The following RFX8 variants were observed in gnomAD, a reference collection of about 807,000 sequenced individuals.
RFX8 encodes regulatory factor X8, also known as DNA-binding protein RFX8.
In RFX8, 46 loss-of-function variants were observed where a neutral mutation model predicts 54.6. The observed-to-expected ratio is 0.84, with a 90% confidence interval of 0.67 to 1.08. RFX8 has a LOEUF of 1.08. Among genes scored for constraint, RFX8 ranks in the 50% least tolerant of loss-of-function variants. The pLI is 0.00. For missense variants in RFX8, 536 were observed against 562.3 expected, an observed-to-expected ratio of 0.95 and a Z score of 0.47; for synonymous variants, 192 against 209.5, an observed-to-expected ratio of 0.92 and a Z score of 0.72.
chr2:101,400,737 G>T (rs1283702939), intron 11 of RFX8, among the ~76,000 whole-genome samples: 1 of 152,222 alleles, frequency 6.6e-6, no homozygotes, highest in East Asian at 1.9e-4. Flanking sequence ...TGAGCGCAAA[G>T]AATTTGCTTT....
chr2:101,470,144 CG>C (rs1689894778), intron 1 of RFX8, among the ~76,000 whole-genome samples: 1 of 152,106 alleles, frequency 6.6e-6, no homozygotes, highest in Admixed American at 6.5e-5. Flanking sequence ...ACACATACCC[CG>C]GGCTTTGAAC....
chr2:101,412,995 C>T lies in RFX8; in HGVS notation c.638G>A (p.Gly213Asp), dbSNP rs1365210148. 6.4e-7 allele frequency: 1 copy of T among 1,552,004 alleles called. No individual in the cohort carries two copies. The change falls in exon 8 of 12, where the codon GGC (glycine) becomes GAC (aspartate). Residue 213 changes from glycine to aspartate, a missense_variant. Gly to Asp is a moderately conservative substitution (Grantham distance 94, BLOSUM62 -1). Coordinates refer to ENST00000428343, the MANE Select transcript of RFX8 (RefSeq NM_001145664.2). ...GGCTTTCTTAGAAGTAGCCAAAGTG[C>T]CTTGATTGATGATGGCCTGTAGATC... is the stretch of plus-strand genomic sequence containing the variant. The part of the protein sequence containing the change: ...KSDLQAIINQ[G>D]TLATSKKALA...
chr2:101,474,262 AC>A, intron 1 of RFX8: 1 of 609,494 alleles, frequency 1.6e-6, no homozygotes, highest in Admixed American at 2.8e-5. Context: ...CGAGGCCGGC[AC>A]CCCCTCGGCC....
intron 2 of RFX8, among the ~76,000 whole-genome samples, chr2:101,426,410 T>C (rs1247365608): frequency 6.6e-6 from 1 of 152,078 alleles, no homozygotes; most frequent in Non-Finnish European, 1.5e-5. Context: ...TCCTAAATAC[T>C]CAGGAGGCTG....
intron 1 of RFX8, among the ~76,000 whole-genome samples, chr2:101,471,595 G>A (rs1469537555): frequency 6.6e-6 from 1 of 152,154 alleles, no homozygotes; most frequent in East Asian, 1.9e-4. Context: ...TGAAACCAGG[G>A]GTCAGACCTG....
At chr2:101,429,437 T>G (rs971209586) in intron 2 of RFX8, among the ~76,000 whole-genome samples, 1 of 152,158 alleles carries the variant, frequency 6.6e-6, no homozygotes, top group Non-Finnish European at 1.5e-5. Flanking sequence ...AACTGGTAAT[T>G]AATAATAGAG....
intron 10 of RFX8, among the ~76,000 whole-genome samples, chr2:101,404,608 G>T (rs564370109): frequency 2.1e-4 from 31 of 147,378 alleles, no homozygotes; most frequent in Non-Finnish European, 3.6e-4. Flanking sequence ...TTTTTTTTTC[G>T]TAGTGACAGG....
At chr2:101,399,318 G>A (rs1558830324) in intron 11 of RFX8, among the ~76,000 whole-genome samples, 2 of 152,210 alleles carry the variant, frequency 1.3e-5, no homozygotes, top group African/African-American at 2.4e-5. Flanking sequence ...TGGATGCAAT[G>A]AAAATCAGAT....
chr2:101,455,195 T>C (rs1373789607), intron 2 of RFX8, among the ~76,000 whole-genome samples: 1 of 152,074 alleles, frequency 6.6e-6, no homozygotes, highest in African/African-American at 2.4e-5. Context: ...TATTTTTTAG[T>C]AGAGACGGGG....
chr2:101,415,579 A>G (rs1306655844), intron 6 of RFX8, among the ~76,000 whole-genome samples: 8 of 152,020 alleles, frequency 5.3e-5, no homozygotes, highest in Admixed American at 2.6e-4. Flanking sequence ...AAAGGAAAGG[A>G]TGAAAAGGGA....
chr2:101,411,313 T>C (rs922030018), intron 8 of RFX8, among the ~76,000 whole-genome samples: 2 of 152,204 alleles, frequency 1.3e-5, no homozygotes, highest in African/African-American at 4.8e-5. Context: ...CAGTGGCCCC[T>C]CTGAGGCTTG....
At chr2:101,434,569 C>T (rs1035341139) in intron 2 of RFX8, among the ~76,000 whole-genome samples, 1 of 151,982 alleles carries the variant, frequency 6.6e-6, no homozygotes, top group Non-Finnish European at 1.5e-5. Context: ...ATTGCACGGG[C>T]GTCTGTCTGT....
chr2:101,449,725 T>C (rs1688576969), intron 2 of RFX8, among the ~76,000 whole-genome samples: 1 of 151,856 alleles, frequency 6.6e-6, no homozygotes, highest in South Asian at 2.1e-4. Context: ...GTGAGAAGGA[T>C]TCAGGAGTCA....
intron 11 of RFX8, among the ~76,000 whole-genome samples, chr2:101,400,374 T>G (rs1193374122): frequency 2.0e-5 from 3 of 152,202 alleles, no homozygotes; most frequent in Non-Finnish European, 4.4e-5. Flanking sequence ...TCTGCCAGCC[T>G]CCAGGTGATG....
rs190897708 is a variant in RFX8, at chr2:101,440,502, T to C, written c.73-18030A>G. ...GTGCCGAGTCGCTAACGGGCTTCCC[T>C]GGGAAGAAACCTCAAACACATGTTG... On this transcript the variant is annotated intron_variant, in intron 2 of 11. Coordinates refer to ENST00000428343, the MANE Select transcript of RFX8 (RefSeq NM_001145664.2). Among the ~76,000 whole-genome samples, 77 of 152,326 alleles carry C rather than the reference T, an allele frequency of 5.1e-4. 1 individual carries two copies. The highest frequency in any genetic ancestry group is 4.6e-3 in the Admixed American group (71 of 15,294).
chr2:101,437,196 T>C (rs2148952438), intron 2 of RFX8, among the ~76,000 whole-genome samples: 1 of 152,274 alleles, frequency 6.6e-6, no homozygotes, highest in East Asian at 1.9e-4. Context: ...TCTCAGCACT[T>C]TGGGAGGCTG....
At chr2:101,412,850 T>C in intron 8 of RFX8, 65 bp downstream of exon 8, 1 of 1,435,398 alleles carries the variant, frequency 7.0e-7, no homozygotes, top group Non-Finnish European at 9.4e-7. Flanking sequence ...GAGTTAACGA[T>C]GGCCATGCTA....
chr2:101,451,912 AG>A, intron 2 of RFX8, among the ~76,000 whole-genome samples: 1 of 152,010 alleles, frequency 6.6e-6, no homozygotes, highest in Admixed American at 6.6e-5. Flanking sequence ...TGGGCAATTT[AG>A]GAAAACCTCG....
chr2:101,414,350 T>G (rs932812247), intron 7 of RFX8, among the ~76,000 whole-genome samples: 8 of 152,060 alleles, frequency 5.3e-5, no homozygotes, highest in Non-Finnish European at 1.0e-4. Flanking sequence ...TCACTGCAAC[T>G]TCCACTTCCC....
Sources: allele counts gnomAD v4.1 joint callset (sites outside exome capture counted in the v4.1 genomes callset), GRCh38; gene constraint gnomAD v4.1.1; transcripts MANE v1.5; gene names NCBI Gene and HGNC (gene_info 2026-07-23, HGNC 2026-07-21).